The following GPR139 variants were observed in gnomAD, a reference collection of about 807,000 sequenced individuals.
GPR139 encodes the protein probable G protein-coupled receptor 139.
A neutral mutation model predicts 25.8 loss-of-function variants in GPR139; 12 were observed. The ratio of observed to expected loss-of-function variants is 0.47; its 90% CI spans 0.30 to 0.75. The LOEUF (loss-of-function observed/expected upper bound fraction) is 0.75, where lower values mean the gene tolerates loss of function less well. GPR139 is among the 30% of genes least tolerant of loss of function. The pLI, the probability that GPR139 is intolerant of heterozygous loss-of-function variation, is 0.07. For missense variants in GPR139, 380 were observed against 450.2 expected, an observed-to-expected ratio of 0.84 and a Z score of 1.41; for synonymous variants, 184 against 179.9, an observed-to-expected ratio of 1.02 and a Z score of -0.18.
rs114458169 is a variant in GPR139, at chr16:20,072,275, G to A, written c.127+1215C>T. ...CGCTTTCTCATGCCTGCCAAATTTG[G>A]GAGGGGGGATTTATTGAAACAATCT... is the stretch of plus-strand genomic sequence containing the variant. On this transcript the variant is annotated intron_variant, in intron 1 of 1. Transcript: ENST00000570682. Among the ~76,000 whole-genome samples, 498 of 152,232 alleles carry A rather than the reference G, an allele frequency of 3.3e-3. 2 individuals are homozygous for A. The highest frequency in any genetic ancestry group is 0.011 in the African/African-American group (476 of 41,532).
chr16:20,035,162 T>C (rs1022348261), intron 1 of GPR139, among the ~76,000 whole-genome samples: 2 of 151,966 alleles, frequency 1.3e-5, no homozygotes, highest in African/African-American at 4.8e-5. Flanking sequence ...AGTTTTTTTT[T>C]AAAGTCTATA....
intron 1 of GPR139, among the ~76,000 whole-genome samples, chr16:20,045,068 C>A (rs1350563334): frequency 6.8e-6 from 1 of 147,324 alleles, no homozygotes. Flanking sequence ...GGTGCAATCG[C>A]GGCTCGCTGC....
At chr16:20,054,074 T>G (rs2141209960) in intron 1 of GPR139, among the ~76,000 whole-genome samples, 1 of 152,306 alleles carries the variant, frequency 6.6e-6, no homozygotes, top group Admixed American at 6.5e-5. Context: ...TGTGTCAGTC[T>G]TGTTTAGGGC....
rs1372860501 is a variant in GPR139, at chr16:20,032,125, C to T, written c.672G>A (p.Gly224=). 3.7e-6 allele frequency: 6 copies of T among 1,614,138 alleles called. No individual in the cohort carries two copies. In the South Asian group the frequency reaches 6.6e-5, roughly 18 times the overall value. Residue 224 remains glycine, a synonymous_variant, in exon 2 of 2, where the codon GGG becomes GGA. Transcript: ENST00000570682. ...TGGTGAACAAGATGGCGGTGGTCTT[C>T]CCCGTGGAGTAGCCACGGAGACGAA... ...SNFRLRGYST[G]KTTAILFTIT...
At chr16:20,051,284 C>T (rs1157846501) in intron 1 of GPR139, among the ~76,000 whole-genome samples, 1 of 152,044 alleles carries the variant, frequency 6.6e-6, no homozygotes, top group African/African-American at 2.4e-5. Flanking sequence ...TAACAACCTC[C>T]CACACAATGC....
chr16:20,056,385 A>G (rs2141210886), intron 1 of GPR139, among the ~76,000 whole-genome samples: 1 of 152,360 alleles, frequency 6.6e-6, no homozygotes, highest in South Asian at 2.1e-4. Flanking sequence ...ATCACAATTT[A>G]CAAACGAAAG....
At chr16:20,036,620 T>C (rs911432955) in intron 1 of GPR139, among the ~76,000 whole-genome samples, 2 of 152,174 alleles carry the variant, frequency 1.3e-5, no homozygotes, top group Admixed American at 6.5e-5. Context: ...ATGAGACTTA[T>C]TCACTATCAT....
chr16:20,042,313 C>T (rs777736504), intron 1 of GPR139, among the ~76,000 whole-genome samples: 1 of 152,202 alleles, frequency 6.6e-6, no homozygotes, highest in Non-Finnish European at 1.5e-5. Flanking sequence ...CTGAGCATCT[C>T]CTAGAGGCGG....
At chr16:20,040,017 A>T (rs1319400422) in intron 1 of GPR139, among the ~76,000 whole-genome samples, 1 of 152,172 alleles carries the variant, frequency 6.6e-6, no homozygotes, top group Non-Finnish European at 1.5e-5. Context: ...CTTGGAACCC[A>T]GTTGCCTTTC....
intron 1 of GPR139, among the ~76,000 whole-genome samples, chr16:20,070,255 A>C (rs1183365908): frequency 6.6e-6 from 1 of 152,214 alleles, no homozygotes; most frequent in East Asian, 1.9e-4. Context: ...GGCAGGGATT[A>C]AGTGTAATAA....
intron 1 of GPR139, among the ~76,000 whole-genome samples, chr16:20,039,372 T>G (rs932444440): frequency 9.2e-5 from 14 of 152,232 alleles, no homozygotes; most frequent in African/African-American, 3.1e-4. Context: ...AAGAAGCAGC[T>G]GGACTGGGAG....
At position 20,031,590 on chromosome 16, in the gene GPR139, C is replaced by T. The variant is rs2141198819; in HGVS notation, c.*145G>A. The T allele has an allele frequency of 3.0e-6, 2 of 660,846 alleles. No homozygotes were observed. Among genetic ancestry groups the T allele is most frequent in the East Asian group, 5.1e-5 (2 of 39,182 alleles). The allele number at this position is 660,846 out of a possible 1,614,324, so 40.9% of individuals were successfully genotyped here. ...TCCTTTCTTCTCTTCCATCTCTTCTCATCTACCAGTCTGAGAATTGCCCAG... is the reference window on the plus strand; with the variant it reads ...TCCTTTCTTCTCTTCCATCTCTTCTTATCTACCAGTCTGAGAATTGCCCAG... On this transcript the variant is annotated 3_prime_UTR_variant, in exon 2 of 2. Coordinates refer to ENST00000570682, the MANE Select transcript of GPR139 (RefSeq NM_001002911.4).
At chr16:20,071,286 A>G (rs2057458622) in intron 1 of GPR139, among the ~76,000 whole-genome samples, 1 of 152,214 alleles carries the variant, frequency 6.6e-6, no homozygotes, top group Non-Finnish European at 1.5e-5. Flanking sequence ...TAAGAGAATG[A>G]CTTAAAGAAT....
intron 1 of GPR139, among the ~76,000 whole-genome samples, chr16:20,041,252 GAAGGAGAAAA>G (rs774061964): frequency 1.1e-3 from 1 of 884 alleles, no homozygotes. Context: ...AGAGGAGAGG[GAAGGAGAAAA>G]GAAAAGCATC....
intron 1 of GPR139, among the ~76,000 whole-genome samples, chr16:20,057,544 C>T: frequency 6.6e-6 from 1 of 151,754 alleles, no homozygotes. Context: ...GTCCATCCAT[C>T]CATCCCTTCC....
rs775925795 is a variant in GPR139 at position 20,032,413 on chromosome 16, G to A, written c.384C>T (p.Ile128=). The change falls in exon 2 of 2, where the codon ATC becomes ATT. Residue 128 remains isoleucine (I), a synonymous_variant. Transcript: ENST00000570682. ...GGTACTTGAGCGGGTGGCAGACAGC[G>A]ATATACCTGTCAATGGTTAACGGTA... ...ITVPLTIDRY[I]AVCHPLKYHT... is the part of the protein sequence containing the mutation. The A allele has an allele frequency of 1.5e-5, 24 of 1,614,068 alleles. No individual in the cohort carries two copies. Among genetic ancestry groups the A allele is most frequent in the African/African-American group, 5.3e-5 (4 of 74,924 alleles).
chr16:20,050,402 G>A (rs895820659), intron 1 of GPR139, among the ~76,000 whole-genome samples: 9 of 152,146 alleles, frequency 5.9e-5, no homozygotes, highest in African/African-American at 2.2e-4. Flanking sequence ...TGCAGGGATG[G>A]GTGGGGCTAG....
Position 20,031,764 on chromosome 16 carries a change from T to C in GPR139, c.1033A>G (p.Asn345Asp). ...IKMLVYQYDKNGKPIKVSP is the reference protein window; with the variant it reads ...IKMLVYQYDKDGKPIKVSP ...GGGGATACTTTTATAGGTTTTCCAT[T>C]TTTGTCATACTGGTACACCAGCATC... The change falls in exon 2 of 2, where the codon AAT (asparagine) becomes GAT (aspartate). Residue 345 changes from asparagine (N) to aspartate (D), a missense_variant. Transcript: ENST00000570682. The C allele has an allele frequency of 6.2e-7, 1 of 1,614,112 alleles. No individual in the cohort carries two copies.
chr16:20,073,596 G>A lies in GPR139; in HGVS notation c.21C>T (p.His7=), dbSNP rs369058740. The stretch of plus-strand genomic sequence containing the variant: ...AAGACAGCGAGCTGTTGGCTGCGAG[G>A]TGGGCGTGCGTGTGCTCCATGAGCG... MEHTHA[H]LAANSSLSWW... is the part of the protein sequence containing the mutation. Residue 7 remains histidine, a synonymous_variant, in exon 1 of 2, where the codon CAC becomes CAT. Coordinates refer to ENST00000570682, the MANE Select transcript of GPR139 (RefSeq NM_001002911.4). The surrounding 1 kb of genome is among the most constrained non-coding windows in gnomAD (Gnocchi z 4.7). 3.3e-5 allele frequency: 53 copies of A among 1,609,196 alleles called. No individual in the cohort carries two copies. Among genetic ancestry groups the A allele is most frequent in the African/African-American group, 5.3e-5 (4 of 74,798 alleles).
Sources: gnomAD v4.1 joint callset for allele counts (sites outside exome capture counted in the v4.1 genomes callset) on GRCh38, gnomAD v4.1.1 for gene constraint, Gnocchi (gnomAD v3.1) non-coding constraint, MANE v1.5 for transcripts, NCBI Gene and HGNC (gene_info 2026-07-23, HGNC 2026-07-21) for gene names.